SLC16A7: variants seen among roughly 807,000 people sequenced by gnomAD.
SLC16A7 encodes the protein monocarboxylate transporter 2.
In SLC16A7, 33 loss-of-function variants were observed where a neutral mutation model predicts 34.9. That is an observed-to-expected ratio of 0.94 (90% CI 0.72 to 1.26). The LOEUF is 1.26. Among genes scored for constraint, SLC16A7 ranks in the 50% most tolerant of loss-of-function variants. SLC16A7 has a pLI of 0.00. For synonymous variants in SLC16A7, 201 were observed against 206.6 expected (o/e 0.97, Z 0.23); for missense variants, 573 against 578.1 (o/e 0.99, Z 0.09).
Position 59,601,719 on chromosome 12 carries a change from G to A in SLC16A7, c.-130+5483G>A, listed in dbSNP as rs1878693625. 2.0e-5 allele frequency among the ~76,000 whole-genome samples: 3 copies of A among 152,196 alleles called. No homozygotes were observed. In the South Asian group the frequency reaches 6.2e-4, roughly 32 times the overall value. On this transcript the variant is annotated intron_variant, in intron 1 of 5. Coordinates refer to ENST00000547379, the MANE Select transcript of SLC16A7 (RefSeq NM_001270623.2). Reference sequence around the variant, plus strand: ...GAGGCTGGAAATCTGAGATCAGGGTGCTGGCATGGTCCAGGTGTTGGTGAA... The same window carrying A: ...GAGGCTGGAAATCTGAGATCAGGGTACTGGCATGGTCCAGGTGTTGGTGAA...
intron 1 of SLC16A7, among the ~76,000 whole-genome samples, chr12:59,646,267 T>G (rs1868250077): frequency 6.6e-6 from 1 of 152,094 alleles, no homozygotes; most frequent in Non-Finnish European, 1.5e-5. Flanking sequence ...GAAAAATCAT[T>G]TCCTGGGCTG....
rs1397984863 is a variant in SLC16A7 at position 59,766,891 on chromosome 12, G to C, written c.218-4328G>C. 6.6e-5 allele frequency among the ~76,000 whole-genome samples: 10 copies of C among 152,012 alleles called. No homozygotes were observed. The South Asian group carries it at 1.2e-3, about 19-fold the overall frequency. The stretch of plus-strand genomic sequence containing the variant: ...CCCTCTTTTTCTATTGATTGGAATA[G>C]CTTCAGAAGGAATGGTACCAGTTCC... On this transcript the variant is annotated intron_variant, in intron 3 of 5. Transcript: ENST00000547379.
intron 1 of SLC16A7, among the ~76,000 whole-genome samples, chr12:59,618,993 A>C (rs181057193): frequency 5.9e-5 from 9 of 152,180 alleles, no homozygotes; most frequent in African/African-American, 2.2e-4. Context: ...ATTATAAAGA[A>C]AATTTCCATG....
rs115346868 is a variant in SLC16A7, at chr12:59,636,832, C to T, written c.-129-18320C>T. Among the ~76,000 whole-genome samples, 185 of 152,218 alleles carry T rather than the reference C, an allele frequency of 1.2e-3. 1 individual carries two copies. Among genetic ancestry groups the T allele is most frequent in the African/African-American group, 4.1e-3 (170 of 41,572 alleles). ...TGGGCACACTGTGATAATCCAGATG[C>T]TAATCCTTAAGCACATCTACTTGAT... On this transcript the variant is annotated intron_variant, in intron 1 of 5. Coordinates refer to ENST00000547379, the MANE Select transcript of SLC16A7 (RefSeq NM_001270623.2).
chr12:59,737,004 A>G (rs778290593), intron 3 of SLC16A7, among the ~76,000 whole-genome samples: 2 of 152,246 alleles, frequency 1.3e-5, no homozygotes, highest in Admixed American at 6.5e-5. Context: ...ACTGACTTCC[A>G]ATATGCATAT....
At chr12:59,744,577 C>G (rs1878688185) in intron 3 of SLC16A7, among the ~76,000 whole-genome samples, 1 of 152,174 alleles carries the variant, frequency 6.6e-6, no homozygotes, top group South Asian at 2.1e-4. Context: ...GCTCGGGTGC[C>G]ACAGGTGCAG....
intron 1 of SLC16A7, among the ~76,000 whole-genome samples, chr12:59,599,021 T>C (rs1288810432): frequency 1.3e-5 from 2 of 152,214 alleles, no homozygotes; most frequent in African/African-American, 4.8e-5. Flanking sequence ...TAGTAAGTGG[T>C]TGAGCTGGGG....
intron 1 of SLC16A7, among the ~76,000 whole-genome samples, chr12:59,612,911 C>G (rs1008791038): frequency 6.6e-6 from 1 of 152,214 alleles, no homozygotes; most frequent in Non-Finnish European, 1.5e-5. Context: ...AAGTTCCAAA[C>G]TTTCCTACAT....
intron 1 of SLC16A7, among the ~76,000 whole-genome samples, chr12:59,627,649 A>ACTAT (rs936593249): frequency 6.6e-6 from 1 of 151,714 alleles, no homozygotes; most frequent in East Asian, 1.9e-4. Flanking sequence ...TATACATTTG[A>ACTAT]CTATCTATCT....
chr12:59,648,043 GAC>G (rs1263643941), intron 1 of SLC16A7, among the ~76,000 whole-genome samples: 1 of 152,130 alleles, frequency 6.6e-6, no homozygotes, highest in Non-Finnish European at 1.5e-5. Flanking sequence ...GACAGAGTGA[GAC>G]CTTGTCTCAA....
chr12:59,740,136 T>C (rs1878129118), intron 3 of SLC16A7, among the ~76,000 whole-genome samples: 1 of 151,584 alleles, frequency 6.6e-6, no homozygotes, highest in Non-Finnish European at 1.5e-5. Context: ...ATGTCCTGAA[T>C]GGTAATGCCT....
At chr12:59,668,214 G>C (rs1324978900) in intron 2 of SLC16A7, among the ~76,000 whole-genome samples, 1 of 152,134 alleles carries the variant, frequency 6.6e-6, no homozygotes, top group Non-Finnish European at 1.5e-5. Context: ...TGAGAAGAGG[G>C]CCACCATCCT....
intron 3 of SLC16A7, among the ~76,000 whole-genome samples, chr12:59,743,288 TAATA>T (rs1878538002): frequency 2.0e-5 from 3 of 152,222 alleles, no homozygotes; most frequent in Admixed American, 1.3e-4. Context: ...TTTTCTACAT[TAATA>T]TTTTTGGACT....
chr12:59,679,459 A>G (rs17122830), intron 2 of SLC16A7, among the ~76,000 whole-genome samples: 10,836 of 152,236 alleles, frequency 0.071, 429 homozygotes, highest in Middle Eastern at 0.17. Flanking sequence ...ACTTATCCCA[A>G]GAGTTAATCT....
chr12:59,729,571 C>G (rs1170364676), intron 3 of SLC16A7, among the ~76,000 whole-genome samples: 1 of 152,144 alleles, frequency 6.6e-6, no homozygotes, highest in African/African-American at 2.4e-5. Flanking sequence ...TATGGTTCAT[C>G]TTTCTCTACA....
intron 3 of SLC16A7, among the ~76,000 whole-genome samples, chr12:59,744,187 A>T (rs1375221918): frequency 2.6e-5 from 4 of 152,182 alleles, no homozygotes; most frequent in African/African-American, 9.6e-5. Context: ...GCCCAAAATG[A>T]GAACATACAT....
chr12:59,710,461 A>G (rs1037169232), intron 3 of SLC16A7, among the ~76,000 whole-genome samples: 3 of 151,900 alleles, frequency 2.0e-5, no homozygotes, highest in African/African-American at 4.8e-5. Context: ...GGTCAACAAC[A>G]GATTGGAAGT....
At chr12:59,610,938 C>T (rs903862480) in intron 1 of SLC16A7, among the ~76,000 whole-genome samples, 1 of 151,800 alleles carries the variant, frequency 6.6e-6, no homozygotes, top group East Asian at 1.9e-4. Context: ...TTTTTTTTCA[C>T]AGTTCTGGAG....
intron 2 of SLC16A7, among the ~76,000 whole-genome samples, chr12:59,699,748 C>G (rs1298552397): frequency 1.3e-5 from 2 of 151,718 alleles, no homozygotes; most frequent in Non-Finnish European, 3.0e-5. Flanking sequence ...TGCATATCCA[C>G]AGAAATTTGT....
Sources: allele counts gnomAD v4.1 joint callset (sites outside exome capture counted in the v4.1 genomes callset), GRCh38; gene constraint gnomAD v4.1.1; transcripts MANE v1.5; gene names NCBI Gene and HGNC (gene_info 2026-07-23, HGNC 2026-07-21).